Variants in KMT2C observed in about 807,000 individuals in gnomAD.
KMT2C encodes lysine methyltransferase 2C, also known as histone-lysine N-methyltransferase 2C.
In KMT2C, 88 loss-of-function variants were observed where a neutral mutation model predicts 507.9. The observed-to-expected ratio is 0.17, with a 90% CI of 0.15 to 0.21. KMT2C has a LOEUF of 0.21. Ranked by LOEUF, KMT2C falls within the 10% of genes least tolerant of loss-of-function variation. The pLI is 1.00. For missense variants in KMT2C, 4,954 were observed against 5,957.8 expected, an observed-to-expected ratio of 0.83 and a Z score of 5.55; for synonymous variants, 2,049 against 2,080.8, an observed-to-expected ratio of 0.98 and a Z score of 0.42.
At chr7:152,319,595 ACT>A (rs2096753129) in intron 3 of KMT2C, among the ~76,000 whole-genome samples, 1 of 151,534 alleles carries the variant, frequency 6.6e-6, no homozygotes, top group Non-Finnish European at 1.5e-5. Context: ...TTTAGAGAAG[ACT>A]CTACTCCTCC....
At chr7:152,171,239 A>G in intron 40 of KMT2C, 25 bp downstream of exon 40, 1 of 1,522,754 alleles carries the variant, frequency 6.6e-7, no homozygotes. Flanking sequence ...TGCATTCTAG[A>G]GGGACTCATT....
At chr7:152,262,895 A>G (rs1325869711) in intron 9 of KMT2C, 121 bp downstream of exon 9, 5 of 663,916 alleles carry the variant, frequency 7.5e-6, no homozygotes, top group Non-Finnish European at 1.3e-5. Flanking sequence ...TTATATGTCA[A>G]TAAAGCTGTT....
At chr7:152,359,584 T>C (rs951816700) in intron 1 of KMT2C, among the ~76,000 whole-genome samples, 1 of 149,606 alleles carries the variant, frequency 6.7e-6, no homozygotes, top group Admixed American at 6.6e-5. Flanking sequence ...AGCCTGGCCA[T>C]CATGGCGAAA....
chr7:152,135,860 GTACTAA>G lies in KMT2C; in HGVS notation c.*966_*971del. The G allele has an allele frequency of 4.3e-6, 1 of 230,942 alleles. No individual in the cohort carries two copies. The highest frequency in any genetic ancestry group is 2.2e-5 in the African/African-American group (1 of 45,286). 14.3% of individuals were successfully genotyped at this position (230,942 alleles called of 1,614,324 possible). ...GAAGTAAGGTGTATAAAACCATTGA[GTACTAA>G]TAGACTGCGGTTTCCAAAAAACCCC... On this transcript the variant is annotated 3_prime_UTR_variant, in exon 59 of 59. Coordinates refer to ENST00000262189, the MANE Select transcript of KMT2C (RefSeq NM_170606.3).
intron 7 of KMT2C, among the ~76,000 whole-genome samples, chr7:152,272,664 C>T (rs10252437): frequency 0.11 from 16,383 of 152,094 alleles, 2,122 homozygotes; most frequent in African/African-American, 0.31. Flanking sequence ...ATTTAAAATT[C>T]TAGTTTGCCT....
intron 23 of KMT2C, among the ~76,000 whole-genome samples, chr7:152,215,076 G>GA (rs200885322): frequency 0.067 from 9,821 of 146,416 alleles, 567 homozygotes; most frequent in East Asian, 0.17. Context: ...AAAAATAAAT[G>GA]AAAAAAAAAA....
intron 7 of KMT2C, among the ~76,000 whole-genome samples, chr7:152,271,695 A>ACC (rs1220239593): frequency 1.5e-4 from 22 of 147,946 alleles, no homozygotes; most frequent in African/African-American, 5.2e-4. Context: ...AAAAAAAAAA[A>ACC]CCCCAAAGAA....
intron 6 of KMT2C, among the ~76,000 whole-genome samples, chr7:152,305,840 A>T (rs1410137899): frequency 6.6e-6 from 1 of 152,144 alleles, no homozygotes; most frequent in Non-Finnish European, 1.5e-5. Context: ...TCTCTGCACC[A>T]GTCCCGTAAG....
chr7:152,251,746 G>A (rs570985713), intron 11 of KMT2C, among the ~76,000 whole-genome samples, 193 bp downstream of exon 11: 1 of 152,158 alleles, frequency 6.6e-6, no homozygotes, highest in African/African-American at 2.4e-5. Flanking sequence ...ACTATCTTAA[G>A]TTAGATTAGA....
At chr7:152,142,546 G>A (rs764918947) in intron 55 of KMT2C, among the ~76,000 whole-genome samples, 2 of 152,200 alleles carry the variant, frequency 1.3e-5, no homozygotes, top group Non-Finnish European at 2.9e-5. Flanking sequence ...CTATTTAAAT[G>A]AAAAGTACAC....
chr7:152,356,082 C>T (rs2097148788), intron 2 of KMT2C, among the ~76,000 whole-genome samples: 1 of 152,068 alleles, frequency 6.6e-6, no homozygotes. Context: ...CCCATTTTAC[C>T]AGGACAGAAA....
rs769088573 is a variant in KMT2C at position 152,207,403 on chromosome 7, T to A, written c.3738A>T (p.Gly1246=). The change falls in exon 24 of 59, where the codon GGA becomes GGT. Residue 1246 remains glycine, a synonymous_variant. Transcript: ENST00000262189. The part of the protein sequence containing the change: ...SREGELMDCD[G]KSESSPEREA... ...CCCGCTCAGGACTAGATTCTGATTT[T>A]CCATCACAATCCATAAGTTCTCCTT... 1 of 1,599,502 alleles carries A rather than the reference T, an allele frequency of 6.3e-7. No individual in the cohort carries two copies. The highest frequency in any genetic ancestry group is 8.5e-7 in the Non-Finnish European group (1 of 1,175,016).
intron 6 of KMT2C, among the ~76,000 whole-genome samples, chr7:152,290,286 ATATATATATTTTTTTTTTTTTTTTTTT>A (rs2096401104): frequency 8.9e-5 from 3 of 33,810 alleles, no homozygotes; most frequent in African/African-American, 4.5e-4. Context: ...ATATATATAT[ATATATATATTTTTTTTTTTTTTTTTTT>A]TTTTTTTTTT....
At chr7:152,432,878 G>C (rs2097876680) in intron 1 of KMT2C, among the ~76,000 whole-genome samples, 2 of 152,014 alleles carry the variant, frequency 1.3e-5, no homozygotes, top group Non-Finnish European at 2.9e-5. Flanking sequence ...GGGGTGCGGT[G>C]GCTCACGCCT....
intron 6 of KMT2C, among the ~76,000 whole-genome samples, chr7:152,294,022 C>CTTTTT (rs5888465): frequency 7.5e-6 from 1 of 133,164 alleles, no homozygotes; most frequent in African/African-American, 2.8e-5. Flanking sequence ...CCACACCTGC[C>CTTTTT]TTTTTTTTTT....
chr7:152,153,542 T>C (rs1206472075), intron 48 of KMT2C, among the ~76,000 whole-genome samples: 1 of 152,222 alleles, frequency 6.6e-6, no homozygotes, highest in Non-Finnish European at 1.5e-5. Context: ...ATTGCTTAAT[T>C]TTCTTCTCTG....
At chr7:152,255,116 T>TATATAC (rs1554583613) in intron 9 of KMT2C, among the ~76,000 whole-genome samples, 3 of 95,742 alleles carry the variant, frequency 3.1e-5, no homozygotes, top group South Asian at 3.2e-4. Flanking sequence ...CACTTATATA[T>TATATAC]ATATATATAT....
intron 1 of KMT2C, among the ~76,000 whole-genome samples, chr7:152,422,787 G>A (rs1261278251): frequency 1.3e-5 from 2 of 152,050 alleles, no homozygotes; most frequent in African/African-American, 4.8e-5. Flanking sequence ...ACTTTGGAAG[G>A]CCAAGGCAGG....
chr7:152,368,134 G>A, intron 1 of KMT2C: 1 of 932,346 alleles, frequency 1.1e-6, no homozygotes, highest in Non-Finnish European at 1.8e-6. Context: ...TGGCAAAAGG[G>A]TCAAAGGAAG....
Sources: gnomAD v4.1 joint callset for allele counts (sites outside exome capture counted in the v4.1 genomes callset) on GRCh38, gnomAD v4.1.1 for gene constraint, MANE v1.5 for transcripts, NCBI Gene and HGNC (gene_info 2026-07-23, HGNC 2026-07-21) for gene names.